C4orf33: variants seen among roughly 807,000 people sequenced by gnomAD.
The protein encoded by C4orf33 is UPF0462 protein C4orf33.
C4orf33 carries 20 observed loss-of-function variants against 24.3 expected under a neutral mutation model. The ratio of observed to expected loss-of-function variants is 0.82; its 90% confidence interval spans 0.58 to 1.19. The LOEUF (loss-of-function observed/expected upper bound fraction) is 1.19. Ranked by LOEUF, C4orf33 falls within the 50% of genes most tolerant of loss-of-function variation. C4orf33 has a pLI of 0.00. For missense variants in C4orf33, 207 were observed against 225.9 expected, an observed-to-expected ratio of 0.92 and a Z score of 0.54; for synonymous variants, 67 against 76.4, an observed-to-expected ratio of 0.88 and a Z score of 0.64.
At chr4:129,096,149 C>G (rs1419272610), upstream of C4orf33, 1 of 152,124 alleles carries the variant, frequency 6.6e-6, no homozygotes, top group Non-Finnish European at 1.5e-5. Flanking sequence ...AGCCTAAAGC[C>G]GAGCCCTCTC....
chr4:129,104,249 A>C (rs1258544779), intron 2 of C4orf33, among the ~76,000 whole-genome samples: 2 of 152,160 alleles, frequency 1.3e-5, no homozygotes, highest in African/African-American at 4.8e-5. Flanking sequence ...CCTCTAACTC[A>C]GTATCTCCTC....
rs749633073 is a variant in C4orf33, at chr4:129,109,584, G to A, written c.406G>A (p.Ala136Thr). The A allele has an allele frequency of 1.8e-5, 29 of 1,614,030 alleles. No homozygotes were observed. Among genetic ancestry groups the A allele is most frequent in the Non-Finnish European group, 2.5e-5 (29 of 1,179,930 alleles). ...PPNVTKFNSF[A>T]IHGSKDKRSY... is the part of the protein sequence containing the mutation. ...AAATGTGACAAAATTCAATTCATTT[G>A]CAATTCATGGATCAAAAGATAAACG... The change falls in exon 5 of 6, where the codon GCA becomes ACA. Residue 136 changes from alanine (A) to threonine (T), a missense_variant. Coordinates refer to ENST00000425929, the MANE Select transcript of C4orf33 (RefSeq NM_001099783.2).
chr4:129,103,016 AT>A (rs11383422), intron 2 of C4orf33: 9,222 of 175,682 alleles, frequency 0.052, 20 homozygotes, highest in Middle Eastern at 0.12. Flanking sequence ...ACAAATCCAG[AT>A]TTTTTTTTTT....
chr4:129,107,504 A>G (rs1484698572), intron 3 of C4orf33, among the ~76,000 whole-genome samples: 1 of 151,936 alleles, frequency 6.6e-6, no homozygotes, highest in Non-Finnish European at 1.5e-5. Flanking sequence ...GCTCCAAACA[A>G]TTGATTTAAA....
At chr4:129,109,698 G>C in intron 5 of C4orf33, 26 bp downstream of exon 5, 1 of 1,586,902 alleles carries the variant, frequency 6.3e-7, no homozygotes, top group Non-Finnish European at 8.6e-7. Flanking sequence ...ATGAAGATAT[G>C]TTCCAAATAC....
intron 1 of C4orf33, among the ~76,000 whole-genome samples, 190 bp from the exon 2 acceptor site, chr4:129,102,412 A>G (rs777229075): frequency 2.6e-5 from 4 of 152,210 alleles, no homozygotes; most frequent in Non-Finnish European, 5.9e-5. Flanking sequence ...CTAGTTACCT[A>G]TTTTAGACTA....
At chr4:129,107,154 A>G (rs1753543967) in intron 3 of C4orf33, among the ~76,000 whole-genome samples, 1 of 151,928 alleles carries the variant, frequency 6.6e-6, no homozygotes, top group Non-Finnish European at 1.5e-5. Context: ...TTCATCATGC[A>G]TTTATTAAGT....
rs779535469 is a variant in C4orf33, at chr4:129,109,269, G to A, written c.243-38G>A. 5.7e-6 allele frequency: 9 copies of A among 1,581,702 alleles called. No homozygotes were observed. The Admixed American group carries it at 1.5e-4, about 26-fold the overall frequency. ...GGATAGTGAAGAAAATAACATTCAT[G>A]TTTTTCAAACACTCATGAGGAATCT... On this transcript the variant is annotated intron_variant, in intron 3 of 5. Coordinates refer to ENST00000425929, the MANE Select transcript of C4orf33 (RefSeq NM_001099783.2).
At chr4:129,106,748 G>C in intron 3 of C4orf33, 101 bp downstream of exon 3, 1 of 606,206 alleles carries the variant, frequency 1.6e-6, no homozygotes, top group Non-Finnish European at 2.8e-6. Context: ...TCCAGAGTAA[G>C]AATGGTACTC....
chr4:129,111,770 A>G lies in C4orf33; in HGVS notation c.579A>G (p.Leu193=), dbSNP rs1753697856. The change falls in exon 6 of 6, where the codon CTA becomes CTG. Residue 193 remains leucine (L), a synonymous_variant. Coordinates refer to ENST00000425929, the MANE Select transcript of C4orf33 (RefSeq NM_001099783.2). ...AACAACCGGAATCAGACCTGTGGCTAATAGAGAAATGTGATATATAGGAGT... is the reference window on the plus strand; with the variant it reads ...AACAACCGGAATCAGACCTGTGGCTGATAGAGAAATGTGATATATAGGAGT... ...EWKQPESDLW[L]IEKCDI is the part of the protein sequence containing the mutation. 1 of 1,607,728 alleles carries G rather than the reference A, an allele frequency of 6.2e-7. No individual in the cohort carries two copies. The highest frequency in any genetic ancestry group is 1.3e-5 in the African/African-American group (1 of 74,900).
At chr4:129,093,991 G>A (rs1753084930), upstream of C4orf33, 1 of 152,184 alleles carries the variant, frequency 6.6e-6, no homozygotes, top group Admixed American at 6.5e-5. Flanking sequence ...CTGTACCTCT[G>A]GAGGAGTTCT....
chr4:129,100,412 C>G (rs933038675), intron 1 of C4orf33, among the ~76,000 whole-genome samples: 1 of 151,056 alleles, frequency 6.6e-6, no homozygotes, highest in Non-Finnish European at 1.5e-5. Context: ...TCTTCTTCTT[C>G]CAATGTGGTC....
rs759733263 is a variant in C4orf33 at position 129,109,323 on chromosome 4, G to C, written c.259G>C (p.Val87Leu). 4 of 1,613,964 alleles carry C rather than the reference G, an allele frequency of 2.5e-6. No homozygotes were observed. In the African/African-American group the frequency reaches 4.0e-5, roughly 16 times the overall value. The change falls in exon 4 of 6, where the codon GTG (valine) becomes CTG (leucine). Residue 87 changes from valine (V) to leucine (L), a missense_variant. Transcript: ENST00000425929. ...TTTTGACAGCCACGGACAGCATTTA[G>C]TGCTTTTACTTTCTGGAAGAAGAAA... ...VELCPHGQHL[V>L]LLLSGRRNVW... is the part of the protein sequence containing the mutation.
intron 2 of C4orf33, among the ~76,000 whole-genome samples, chr4:129,103,419 T>C (rs896874117): frequency 6.6e-6 from 1 of 152,200 alleles, no homozygotes; most frequent in African/African-American, 2.4e-5. Flanking sequence ...TAAGTATCTT[T>C]AAATTACCAC....
Position 129,114,075 on chromosome 4 carries a change from A to C in C4orf33, c.*2284A>C, listed in dbSNP as rs2125805719. The C allele has an allele frequency of 6.6e-6, 1 of 152,206 alleles. No individual in the cohort carries two copies. The highest frequency in any genetic ancestry group is 2.4e-5 in the African/African-American group (1 of 41,492). 9.4% of individuals were successfully genotyped at this position (152,206 alleles called of 1,614,324 possible). On this transcript the variant is annotated 3_prime_UTR_variant, in exon 6 of 6. Transcript: ENST00000425929. ...TCCTATCCTCTCAGCCTAACTTTTT[A>C]CTCCAGCCATCAGTTGCATACAGTG...
rs1283804157 is a variant in C4orf33, at chr4:129,111,737, A to G, written c.546A>G (p.Glu182=). The change falls in exon 6 of 6, where the codon GAA becomes GAG. Residue 182 remains glutamate (E), a synonymous_variant. Coordinates refer to ENST00000425929, the MANE Select transcript of C4orf33 (RefSeq NM_001099783.2). ...TCAATTTTAACACACTGCTTGGAGA[A>G]GAGTGGAAACAACCGGAATCAGACC... The part of the protein sequence containing the change: ...KSFNFNTLLG[E]EWKQPESDLW... 1 of 1,613,186 alleles carries G rather than the reference A, an allele frequency of 6.2e-7. No individual in the cohort carries two copies. The highest frequency in any genetic ancestry group is 8.5e-7 in the Non-Finnish European group (1 of 1,179,416).
intron 2 of C4orf33, among the ~76,000 whole-genome samples, chr4:129,103,849 AT>A (rs1561089025): frequency 1.3e-5 from 2 of 152,342 alleles, no homozygotes; most frequent in East Asian, 3.9e-4. Flanking sequence ...TTCAAAGAAG[AT>A]TTTGATGAAT....
At position 129,114,921 on chromosome 4, in the gene C4orf33, A is replaced by G. The variant is rs1365666840; in HGVS notation, c.*3130A>G. On this transcript the variant is annotated 3_prime_UTR_variant, in exon 6 of 6. Transcript: ENST00000425929. The stretch of plus-strand genomic sequence containing the variant: ...TTTCAATGTCAAGTGGTAATCTTAA[A>G]TGGGCAACTGTAGCAACCACAGCCT... 3 of 152,230 alleles carry G rather than the reference A, an allele frequency of 2.0e-5. No homozygotes were observed. The highest frequency in any genetic ancestry group is 4.4e-5 in the Non-Finnish European group (3 of 68,076). The allele number at this position is 152,230 out of a possible 1,614,324, so 9.4% of individuals were successfully genotyped here.
At chr4:129,104,442 T>C (rs557647637) in intron 2 of C4orf33, among the ~76,000 whole-genome samples, 2 of 152,236 alleles carry the variant, frequency 1.3e-5, no homozygotes, top group Admixed American at 1.3e-4. Flanking sequence ...TCAGGATCCT[T>C]TTCCTCTCAA....
Sources: gnomAD v4.1 joint callset for allele counts (sites outside exome capture counted in the v4.1 genomes callset) on GRCh38, gnomAD v4.1.1 for gene constraint, MANE v1.5 for transcripts, NCBI Gene and HGNC (gene_info 2026-07-23, HGNC 2026-07-21) for gene names.